HGD: variants seen among roughly 807,000 people sequenced by gnomAD.
HGD encodes homogentisate oxidase.
HGD carries 61 observed loss-of-function variants against 60.8 expected under a neutral mutation model. That is an observed-to-expected ratio of 1.00 (90% CI 0.82 to 1.24). HGD has a LOEUF of 1.24. Among genes scored for constraint, HGD ranks in the 50% most tolerant of loss-of-function variants. The pLI is 0.00. For synonymous variants in HGD, 212 were observed against 187.7 expected (o/e 1.13, Z -1.06); for missense variants, 542 against 547.1 (o/e 0.99, Z 0.09).
intron 13 of HGD, among the ~76,000 whole-genome samples, chr3:120,630,072 G>T (rs908634746): frequency 1.3e-5 from 2 of 152,130 alleles, no homozygotes; most frequent in Admixed American, 6.6e-5. Context: ...AACCAGAGAG[G>T]TGAAAGGTCT....
chr3:120,640,754 C>T (rs1940943285), intron 11 of HGD, among the ~76,000 whole-genome samples: 2 of 152,258 alleles, frequency 1.3e-5, no homozygotes, highest in Middle Eastern at 3.4e-3. Context: ...TCTGATGTCT[C>T]ACTTTTCTTT....
In HGD at chr3:120,646,265, A is replaced by C; in HGVS notation, c.649+2T>G. 2 of 1,572,392 alleles carry C rather than the reference A, an allele frequency of 1.3e-6. No individual in the cohort carries two copies. The highest frequency in any genetic ancestry group is 8.8e-7 in the Non-Finnish European group (1 of 1,142,002). On this transcript the variant is annotated splice_donor_variant, in intron 9 of 13. Coordinates refer to ENST00000283871, the MANE Select transcript of HGD (RefSeq NM_000187.4). LOFTEE classifies it high-confidence loss of function. ...GCTTAGAGGCTTGTAATGAAGATTT[A>C]CCAATTGGTCCAAGGTCAGGTAACT...
intron 1 of HGD, among the ~76,000 whole-genome samples, chr3:120,680,912 T>A (rs1367181541): frequency 6.6e-6 from 1 of 151,884 alleles, no homozygotes; most frequent in African/African-American, 2.4e-5. Context: ...CTTTAGGAAA[T>A]TTTTTTTTGA....
chr3:120,646,471 T>C (rs1941166927), intron 8 of HGD, 105 bp from the exon 9 acceptor site: 7 of 795,002 alleles, frequency 8.8e-6, no homozygotes, highest in Admixed American at 1.8e-5. Context: ...GTAAAGCTCT[T>C]GTTTGTTGAG....
intron 4 of HGD, among the ~76,000 whole-genome samples, chr3:120,655,089 A>C (rs1460582343): frequency 2.0e-5 from 3 of 152,046 alleles, no homozygotes; most frequent in Non-Finnish European, 4.4e-5. Flanking sequence ...AAAACAACAA[A>C]AACAACAACA....
chr3:120,681,481 G>C (rs985077768), intron 1 of HGD, among the ~76,000 whole-genome samples: 2 of 152,188 alleles, frequency 1.3e-5, no homozygotes, highest in Admixed American at 1.3e-4. Context: ...GCAAATCATA[G>C]TCTCTCCAAG....
intron 1 of HGD, among the ~76,000 whole-genome samples, chr3:120,677,632 C>A (rs1239465628): frequency 6.6e-6 from 1 of 152,210 alleles, no homozygotes; most frequent in Non-Finnish European, 1.5e-5. Context: ...TCCTGTGGTC[C>A]TGTGATCTCA....
intron 10 of HGD, among the ~76,000 whole-genome samples, chr3:120,642,099 A>G (rs181304070): frequency 1.3e-5 from 2 of 152,294 alleles, no homozygotes; most frequent in East Asian, 3.9e-4. Context: ...ATTTCAGCCT[A>G]GAGGAGCTTG....
intron 4 of HGD, among the ~76,000 whole-genome samples, chr3:120,664,871 G>A (rs555607810): frequency 7.4e-4 from 112 of 152,238 alleles, no homozygotes; most frequent in Non-Finnish European, 1.1e-3. Flanking sequence ...GGAATTACTG[G>A]GCATTGACAC....
chr3:120,630,829 CAT>C (rs1484053766), intron 13 of HGD, among the ~76,000 whole-genome samples: 5 of 61,754 alleles, frequency 8.1e-5, no homozygotes, highest in East Asian at 5.9e-4. Flanking sequence ...TATATATACA[CAT>C]ACACACACAC....
intron 4 of HGD, among the ~76,000 whole-genome samples, chr3:120,668,679 A>T (rs1179073988): frequency 1.3e-5 from 2 of 152,238 alleles, no homozygotes; most frequent in Non-Finnish European, 2.9e-5. Context: ...CTTGCCTATC[A>T]CATGCCAGGC....
At position 120,665,325 on chromosome 3, in the gene HGD, C is replaced by T. The variant is rs147871466; in HGVS notation, c.282+5102G>A. 8.4e-3 allele frequency among the ~76,000 whole-genome samples: 1,286 copies of T among 152,240 alleles called. 11 individuals are homozygous for T. The highest frequency in any genetic ancestry group is 0.029 in the African/African-American group (1,195 of 41,552). On this transcript the variant is annotated intron_variant, in intron 4 of 13. Coordinates refer to ENST00000283871, the MANE Select transcript of HGD (RefSeq NM_000187.4). ...CAAGAGGTAATTTTCTCAGCTGAGT[C>T]TTAACTGAGTCAAGAATCTGATTTT...
chr3:120,643,872 CT>C (rs1339859376), intron 10 of HGD, among the ~76,000 whole-genome samples: 1 of 152,172 alleles, frequency 6.6e-6, no homozygotes, highest in East Asian at 1.9e-4. Flanking sequence ...CTGAATTCTA[CT>C]TGTTTTGTAG....
intron 3 of HGD, 31 bp downstream of exon 3, chr3:120,674,870 C>T (rs1708092435): frequency 6.9e-7 from 1 of 1,445,138 alleles, no homozygotes; most frequent in Admixed American, 1.7e-5. Context: ...TACCCACAGT[C>T]TGCAGGTCAG....
chr3:120,648,468 C>T (rs1941233468), intron 6 of HGD, among the ~76,000 whole-genome samples: 2 of 152,234 alleles, frequency 1.3e-5, no homozygotes, highest in Non-Finnish European at 2.9e-5. Flanking sequence ...ATTCATGGCT[C>T]ACAAGGTCGC....
intron 4 of HGD, among the ~76,000 whole-genome samples, chr3:120,664,097 A>G (rs1187258201): frequency 2.0e-5 from 3 of 152,186 alleles, no homozygotes; most frequent in African/African-American, 7.2e-5. Flanking sequence ...GTTATCCCAC[A>G]TAACACCATG....
chr3:120,642,893 T>A (rs903922844), intron 10 of HGD, among the ~76,000 whole-genome samples: 6 of 152,084 alleles, frequency 3.9e-5, no homozygotes, highest in Non-Finnish European at 8.8e-5. Context: ...AGGGCACAGA[T>A]CATGGCAAAG....
chr3:120,652,085 A>G (rs1941358704), intron 5 of HGD, among the ~76,000 whole-genome samples: 1 of 152,220 alleles, frequency 6.6e-6, no homozygotes, highest in South Asian at 2.1e-4. Context: ...ATTTATGCTC[A>G]TACCAGAATT....
intron 9 of HGD, chr3:120,644,763 AG>A (rs1311535226): frequency 3.5e-6 from 2 of 573,988 alleles, no homozygotes; most frequent in African/African-American, 3.9e-5. Flanking sequence ...AAAGAGGAAA[AG>A]GGAAGATCTG....
Sources: gnomAD v4.1 joint callset for allele counts (sites outside exome capture counted in the v4.1 genomes callset) on GRCh38, gnomAD v4.1.1 for gene constraint, MANE v1.5 for transcripts, NCBI Gene and HGNC (gene_info 2026-07-23, HGNC 2026-07-21) for gene names.